Variants in UNC5D observed in about 807,000 individuals in gnomAD.
UNC5D encodes unc-5 netrin receptor D, also known as netrin receptor UNC5D.
Under a neutral mutation model 105.4 loss-of-function variants are expected in UNC5D, and 39 were observed. That is an observed-to-expected ratio of 0.37 (90% CI 0.29 to 0.48). The LOEUF (loss-of-function observed/expected upper bound fraction) is 0.48. Among genes scored for constraint, UNC5D ranks in the 20% least tolerant of loss-of-function variants. The probability of loss-of-function intolerance (pLI) is 0.98; values close to 1 mark genes in which losing one functional copy is unlikely to be tolerated. For missense variants in UNC5D, 991 were observed against 1,202.4 expected, an observed-to-expected ratio of 0.82 and a Z score of 2.60; for synonymous variants, 452 against 450.4, an observed-to-expected ratio of 1.00 and a Z score of -0.04.
intron 1 of UNC5D, among the ~76,000 whole-genome samples, chr8:35,370,996 GGA>G (rs1802398715): frequency 6.6e-6 from 1 of 152,154 alleles, no homozygotes; most frequent in Non-Finnish European, 1.5e-5. Context: ...GGCTGAGGTG[GGA>G]GGATTGCTTG....
At chr8:35,247,985 A>G (rs192308277) in intron 1 of UNC5D, among the ~76,000 whole-genome samples, 328 of 15,698 alleles carry the variant, frequency 0.021, 34 homozygotes, top group South Asian at 0.1. Context: ...TATATATAAT[A>G]TATAAATAAA....
intron 1 of UNC5D, among the ~76,000 whole-genome samples, chr8:35,329,165 G>C (rs1264800119): frequency 1.3e-5 from 2 of 152,006 alleles, no homozygotes; most frequent in African/African-American, 4.8e-5. Flanking sequence ...CTCTTGTACA[G>C]GAAATTGTGC....
At chr8:35,340,169 A>T (rs546463353) in intron 1 of UNC5D, among the ~76,000 whole-genome samples, 1 of 152,188 alleles carries the variant, frequency 6.6e-6, no homozygotes, top group East Asian at 1.9e-4. Context: ...TGGGAAGAGG[A>T]TTTTCTCATG....
At position 35,408,560 on chromosome 8, in the gene UNC5D, G is replaced by A. The variant is rs765209254; in HGVS notation, c.104-140732G>A. ...TGAAACTGTTTTCTGCTGACGTTTC[G>A]CTGCTTGTTTATTTATATGGCTGTC... On this transcript the variant is annotated intron_variant, in intron 1 of 16. Coordinates refer to ENST00000404895, the MANE Select transcript of UNC5D (RefSeq NM_080872.4). Among the ~76,000 whole-genome samples the A allele has an allele frequency of 6.6e-5, 10 of 151,270 alleles. No individual in the cohort carries two copies. The East Asian group carries it at 7.8e-4, about 12-fold the overall frequency.
At chr8:35,462,913 G>A (rs888172852) in intron 1 of UNC5D, among the ~76,000 whole-genome samples, 13 of 152,098 alleles carry the variant, frequency 8.5e-5, no homozygotes, top group Non-Finnish European at 1.6e-4. Flanking sequence ...CCTTACAAAG[G>A]TATAACCATC....
intron 4 of UNC5D, among the ~76,000 whole-genome samples, chr8:35,658,814 G>A (rs1823937379): frequency 6.6e-6 from 1 of 152,018 alleles, no homozygotes; most frequent in Non-Finnish European, 1.5e-5. Flanking sequence ...ACCACACCCA[G>A]CTAATTATGG....
intron 2 of UNC5D, among the ~76,000 whole-genome samples, chr8:35,553,124 T>C (rs1373490857): frequency 6.6e-6 from 1 of 152,140 alleles, no homozygotes; most frequent in Admixed American, 6.5e-5. Flanking sequence ...TGATCAGCCA[T>C]TTCTGTTACC....
chr8:35,429,165 A>G (rs1193533933), intron 1 of UNC5D, among the ~76,000 whole-genome samples: 6 of 152,192 alleles, frequency 3.9e-5, no homozygotes, highest in Non-Finnish European at 8.8e-5. Context: ...AAAAGCTGCA[A>G]TAATCTTCAT....
At chr8:35,373,061 C>A (rs1455713515) in intron 1 of UNC5D, among the ~76,000 whole-genome samples, 2 of 152,144 alleles carry the variant, frequency 1.3e-5, no homozygotes, top group South Asian at 2.1e-4. Flanking sequence ...CCGTGGTCTG[C>A]CCCATTCCCA....
chr8:35,275,294 G>C (rs1805699696), intron 1 of UNC5D, among the ~76,000 whole-genome samples: 1 of 151,634 alleles, frequency 6.6e-6, no homozygotes. Flanking sequence ...TTGGGTAGAA[G>C]AAATCTAATA....
At chr8:35,503,443 C>A (rs191391578) in intron 1 of UNC5D, among the ~76,000 whole-genome samples, 8 of 152,242 alleles carry the variant, frequency 5.3e-5, no homozygotes, top group Admixed American at 4.6e-4. Flanking sequence ...ATGGGGGAAA[C>A]CACCCCCATG....
intron 1 of UNC5D, among the ~76,000 whole-genome samples, chr8:35,329,043 T>C (rs1810394412): frequency 6.6e-6 from 1 of 152,182 alleles, no homozygotes; most frequent in South Asian, 2.1e-4. Flanking sequence ...CCTTCACTCA[T>C]AAAGTCATGT....
At chr8:35,522,691 A>G (rs908908242) in intron 1 of UNC5D, among the ~76,000 whole-genome samples, 1 of 152,234 alleles carries the variant, frequency 6.6e-6, no homozygotes, top group Non-Finnish European at 1.5e-5. Context: ...TAGACAAATT[A>G]TAAGTATCTA....
intron 1 of UNC5D, among the ~76,000 whole-genome samples, chr8:35,377,228 T>C (rs1187829712): frequency 6.6e-6 from 1 of 152,210 alleles, no homozygotes; most frequent in Non-Finnish European, 1.5e-5. Context: ...TGAGCTGGGA[T>C]GCAGTGGTCC....
At chr8:35,443,360 A>T (rs1807563311) in intron 1 of UNC5D, among the ~76,000 whole-genome samples, 1 of 151,738 alleles carries the variant, frequency 6.6e-6, no homozygotes, top group African/African-American at 2.4e-5. Context: ...TGGGAGTCAC[A>T]GACTCCCACA....
chr8:35,700,336 C>T (rs1338079343), intron 7 of UNC5D, among the ~76,000 whole-genome samples: 1 of 151,996 alleles, frequency 6.6e-6, no homozygotes, highest in Non-Finnish European at 1.5e-5. Flanking sequence ...TGCTGTGACT[C>T]TGTGGTCGCA....
At chr8:35,580,787 T>C (rs1034941979) in intron 3 of UNC5D, among the ~76,000 whole-genome samples, 1 of 152,138 alleles carries the variant, frequency 6.6e-6, no homozygotes, top group Non-Finnish European at 1.5e-5. Flanking sequence ...AGAGATGATG[T>C]AGTCAACTCC....
In UNC5D at chr8:35,473,365, C is replaced by T. The variant is rs1201779202; in HGVS notation, c.104-75927C>T. Among the ~76,000 whole-genome samples the T allele has an allele frequency of 2.0e-5, 3 of 152,276 alleles. 1 individual carries two copies. Among genetic ancestry groups the T allele is most frequent in the African/African-American group, 7.2e-5 (3 of 41,544 alleles). ...GACAGGAATTTTTGTAAGCTTTATT[C>T]ACTGCCATATCCACAGCTTTAAGAA... is the stretch of plus-strand genomic sequence containing the variant. On this transcript the variant is annotated intron_variant, in intron 1 of 16. Transcript: ENST00000404895.
chr8:35,255,742 T>C (rs1219984726), intron 1 of UNC5D: 1 of 152,192 alleles, frequency 6.6e-6, no homozygotes, highest in African/African-American at 2.4e-5. Context: ...CTCTAAGCAA[T>C]GACATCATGA....
Sources: allele counts gnomAD v4.1 joint callset (sites outside exome capture counted in the v4.1 genomes callset), GRCh38; gene constraint gnomAD v4.1.1; transcripts MANE v1.5; gene names NCBI Gene and HGNC (gene_info 2026-07-23, HGNC 2026-07-21).